PTPRG: variants seen among roughly 807,000 people sequenced by gnomAD.
PTPRG encodes the protein protein tyrosine phosphatase receptor type G, also known as receptor-type tyrosine-protein phosphatase gamma.
PTPRG carries 102 observed loss-of-function variants against 165.3 expected under a neutral mutation model. The ratio of observed to expected loss-of-function variants is 0.62; its 90% CI spans 0.53 to 0.73. The LOEUF (loss-of-function observed/expected upper bound fraction) is 0.73. Among genes scored for constraint, PTPRG ranks in the 30% least tolerant of loss-of-function variants. The pLI, the probability that PTPRG is intolerant of heterozygous loss-of-function variation, is 0.00. For synonymous variants in PTPRG, 675 were observed against 669.5 expected (o/e 1.01, Z -0.13); for missense variants, 1,866 against 1,861.4 (o/e 1.00, Z -0.05).
At chr3:61,773,417 A>G (rs1350075919) in intron 2 of PTPRG, among the ~76,000 whole-genome samples, 3 of 152,194 alleles carry the variant, frequency 2.0e-5, no homozygotes, top group Non-Finnish European at 4.4e-5. Flanking sequence ...TTCCAATTTG[A>G]TAGAAAGAAG....
intron 6 of PTPRG, among the ~76,000 whole-genome samples, chr3:62,134,521 C>G (rs1220269565): frequency 1.3e-5 from 2 of 152,152 alleles, no homozygotes; most frequent in Non-Finnish European, 2.9e-5. Flanking sequence ...AGGGTGTCTC[C>G]TTCTTATGCC....
chr3:61,744,751 T>C (rs2033130988), intron 1 of PTPRG, among the ~76,000 whole-genome samples: 1 of 152,232 alleles, frequency 6.6e-6, no homozygotes, highest in East Asian at 1.9e-4. Context: ...AAAAATAAAA[T>C]GTGGTGCTGA....
intron 2 of PTPRG, among the ~76,000 whole-genome samples, chr3:61,905,139 A>G (rs762819689): frequency 1.3e-5 from 2 of 152,192 alleles, no homozygotes; most frequent in Non-Finnish European, 2.9e-5. Context: ...TCAGAAAGCT[A>G]TTCTGATAGT....
intron 13 of PTPRG, among the ~76,000 whole-genome samples, chr3:62,225,973 A>G (rs893773688): frequency 1.3e-5 from 2 of 152,152 alleles, no homozygotes; most frequent in Non-Finnish European, 2.9e-5. Flanking sequence ...ACCTTTTATG[A>G]CTATGTACCA....
At chr3:61,880,095 C>T (rs1315308838) in intron 2 of PTPRG, among the ~76,000 whole-genome samples, 1 of 152,188 alleles carries the variant, frequency 6.6e-6, no homozygotes, top group African/African-American at 2.4e-5. Context: ...TCCAGTAATA[C>T]AATGTCACAT....
chr3:61,706,413 A>G (rs1356268984), intron 1 of PTPRG, among the ~76,000 whole-genome samples: 1 of 152,134 alleles, frequency 6.6e-6, no homozygotes, highest in Non-Finnish European at 1.5e-5. Context: ...CTAACAGCCC[A>G]AATTCCTTGC....
At chr3:62,038,446 G>T (rs1332411897) in intron 4 of PTPRG, among the ~76,000 whole-genome samples, 1 of 151,956 alleles carries the variant, frequency 6.6e-6, no homozygotes, top group Non-Finnish European at 1.5e-5. Context: ...CACCCAGGTT[G>T]GAGTGCAGTG....
chr3:62,255,060 A>G lies in PTPRG; in HGVS notation c.2468-64A>G. The G allele has an allele frequency of 7.3e-7, 1 of 1,375,856 alleles. No homozygotes were observed. The highest frequency in any genetic ancestry group is 1.2e-5 in the South Asian group (1 of 80,348). 85.2% of individuals were successfully genotyped at this position (1,375,856 alleles called of 1,614,324 possible). ...ATTTGTCTTAAGGATGCTTTGCTTT[A>G]TCAGTGTAATTTGTTTTATGGAAGT... On this transcript the variant is annotated intron_variant, in intron 15 of 29. Transcript: ENST00000474889. This position sits in a 1 kb window ranked among gnomAD's most constrained non-coding sequence, Gnocchi z 4.0.
At chr3:61,587,669 T>A (rs1023887163) in intron 1 of PTPRG, among the ~76,000 whole-genome samples, 2 of 152,210 alleles carry the variant, frequency 1.3e-5, no homozygotes, top group African/African-American at 4.8e-5. Flanking sequence ...TTTTATTATT[T>A]TTTTTAAGAC....
At chr3:61,666,983 G>C (rs1052530588) in intron 1 of PTPRG, among the ~76,000 whole-genome samples, 1 of 152,166 alleles carries the variant, frequency 6.6e-6, no homozygotes, top group Non-Finnish European at 1.5e-5. Context: ...TGTAATGGTA[G>C]TGTCTCCTCT....
intron 2 of PTPRG, among the ~76,000 whole-genome samples, chr3:61,953,691 C>T (rs1349046520): frequency 1.3e-5 from 2 of 152,134 alleles, no homozygotes; most frequent in African/African-American, 4.8e-5. Flanking sequence ...TTTTCTTCTC[C>T]AATGTAGAAG....
intron 2 of PTPRG, among the ~76,000 whole-genome samples, chr3:61,776,118 A>G (rs2034375008): frequency 2.0e-5 from 3 of 151,968 alleles, no homozygotes; most frequent in African/African-American, 7.2e-5. Flanking sequence ...AGGTTCTGGT[A>G]TAAGTCATTG....
At chr3:61,695,567 A>G (rs1334810598) in intron 1 of PTPRG, among the ~76,000 whole-genome samples, 2 of 152,336 alleles carry the variant, frequency 1.3e-5, no homozygotes, top group Admixed American at 1.3e-4. Flanking sequence ...TGCAGGGTCC[A>G]ACTTCATACA....
chr3:61,769,793 G>A (rs2034150418), intron 2 of PTPRG: 2 of 152,186 alleles, frequency 1.3e-5, no homozygotes, highest in South Asian at 4.1e-4. Context: ...ATATGGTGAT[G>A]TGATTCTTGA....
intron 2 of PTPRG, 138 bp downstream of exon 2, chr3:61,749,120 A>C (rs2033332721): frequency 1.3e-6 from 1 of 781,732 alleles, no homozygotes; most frequent in African/African-American, 1.7e-5. Flanking sequence ...AAGTTGAAAT[A>C]TTCGAGCCTG....
intron 5 of PTPRG, among the ~76,000 whole-genome samples, chr3:62,098,172 C>CT (rs1443698584): frequency 1.3e-5 from 2 of 151,846 alleles, no homozygotes; most frequent in Non-Finnish European, 2.9e-5. Flanking sequence ...ATGATTTGAT[C>CT]TTTAAGACCA....
At position 62,053,607 on chromosome 3, in the gene PTPRG, A is replaced by C. The variant is rs1008426677; in HGVS notation, c.520-24556A>C. Among the ~76,000 whole-genome samples, 4 of 152,088 alleles carry C rather than the reference A, an allele frequency of 2.6e-5. No homozygotes were observed. In the South Asian group the frequency reaches 8.3e-4, roughly 32 times the overall value. ...TTGAAACTTATCTAGCTAGTGCTTAATATTCTGAAGGGATGAATTTGTTTG... is the reference window on the plus strand; with the variant it reads ...TTGAAACTTATCTAGCTAGTGCTTACTATTCTGAAGGGATGAATTTGTTTG... On this transcript the variant is annotated intron_variant, in intron 4 of 29. Transcript: ENST00000474889.
At chr3:61,587,751 G>T (rs771956279) in intron 1 of PTPRG, among the ~76,000 whole-genome samples, 2 of 151,936 alleles carry the variant, frequency 1.3e-5, no homozygotes, top group Non-Finnish European at 2.9e-5. Flanking sequence ...CAACCACCTG[G>T]GCTCAAGCAA....
intron 4 of PTPRG, among the ~76,000 whole-genome samples, chr3:62,056,004 G>A (rs536236752): frequency 5.1e-4 from 77 of 152,328 alleles, no homozygotes; most frequent in African/African-American, 1.7e-3. Flanking sequence ...AGCTCACTCA[G>A]CTAGTAAGCA....
Sources: gnomAD v4.1 joint callset for allele counts (sites outside exome capture counted in the v4.1 genomes callset) on GRCh38, gnomAD v4.1.1 for gene constraint, Gnocchi (gnomAD v3.1) non-coding constraint, MANE v1.5 for transcripts, NCBI Gene and HGNC (gene_info 2026-07-23, HGNC 2026-07-21) for gene names.